TMEM232: variants seen among roughly 807,000 people sequenced by gnomAD.
The protein encoded by TMEM232 is transmembrane protein 232.
A neutral mutation model predicts 78.8 loss-of-function variants in TMEM232; 80 were observed. The observed-to-expected ratio is 1.01, with a 90% CI of 0.85 to 1.22. The LOEUF (loss-of-function observed/expected upper bound fraction) is 1.22, where lower values mean the gene tolerates loss of function less well. Among genes scored for constraint, TMEM232 ranks in the 50% most tolerant of loss-of-function variants. TMEM232 has a pLI of 0.00. For synonymous variants in TMEM232, 297 were observed against 254.3 expected, an observed-to-expected ratio of 1.17 and a Z score of -1.60; for missense variants, 881 against 742.2, an observed-to-expected ratio of 1.19 and a Z score of -2.17.
intron 2 of TMEM232, among the ~76,000 whole-genome samples, chr5:110,402,669 A>T (rs1003958909): frequency 6.6e-6 from 1 of 152,110 alleles, no homozygotes; most frequent in African/African-American, 2.4e-5. Context: ...GACAGTTCTA[A>T]CAACATGCTG....
At chr5:110,653,485 C>G (rs1788611297) in intron 2 of TMEM232, among the ~76,000 whole-genome samples, 2 of 152,214 alleles carry the variant, frequency 1.3e-5, no homozygotes, top group Admixed American at 1.3e-4. Context: ...ATCCTTGAAG[C>G]CTTGGCAGGA....
At chr5:110,465,929 CAG>C (rs1762027188) in intron 12 of TMEM232, among the ~76,000 whole-genome samples, 2 of 152,000 alleles carry the variant, frequency 1.3e-5, no homozygotes, top group Admixed American at 1.3e-4. Flanking sequence ...ATAAACAAGA[CAG>C]AAAATCTCCA....
At chr5:110,688,226 G>T (rs924753014) in intron 1 of TMEM232, among the ~76,000 whole-genome samples, 1 of 152,074 alleles carries the variant, frequency 6.6e-6, no homozygotes, top group African/African-American at 2.4e-5. Flanking sequence ...TAACCATATA[G>T]ATACATAGAG....
chr5:110,645,660 T>C (rs866799797), intron 2 of TMEM232, among the ~76,000 whole-genome samples: 7 of 151,560 alleles, frequency 4.6e-5, no homozygotes, highest in Non-Finnish European at 1.0e-4. Flanking sequence ...TAAGACACTA[T>C]ACAAGACAAG....
chr5:110,446,684 G>A (rs1759683200), intron 12 of TMEM232, among the ~76,000 whole-genome samples: 1 of 152,142 alleles, frequency 6.6e-6, no homozygotes, highest in South Asian at 2.1e-4. Flanking sequence ...TATTCCATAA[G>A]TTCTTAACTG....
chr5:110,508,918 G>GTA (rs542326301), intron 12 of TMEM232, among the ~76,000 whole-genome samples: 6 of 130,034 alleles, frequency 4.6e-5, no homozygotes, highest in African/African-American at 1.4e-4. Flanking sequence ...TTATATATAT[G>GTA]TATATATATA....
chr5:110,599,297 C>A (rs1284297389), intron 10 of TMEM232, among the ~76,000 whole-genome samples: 1 of 152,080 alleles, frequency 6.6e-6, no homozygotes, highest in Non-Finnish European at 1.5e-5. Flanking sequence ...ATCATGAAGA[C>A]AGGATCAAAT....
rs1770990090 is a variant in TMEM232 at position 110,528,798 on chromosome 5, T to C, written c.1493A>G (p.Tyr498Cys). Reference protein sequence around the residue: ...LNDPTDPFTRYSTNISSNVGE... With the variant: ...LNDPTDPFTRCSTNISSNVGE... ...TACATTTGATGAAATATTTGTACTA[T>C]ATCTAGTGAAAGGATCAGTTGGGTC... is the stretch of plus-strand genomic sequence containing the variant. Residue 498 changes from tyrosine to cysteine, a missense_variant, in exon 12 of 14, where the codon TAT (tyrosine) becomes TGT (cysteine). Tyr to Cys is a radical substitution (Grantham distance 194). Coordinates refer to ENST00000455884, the MANE Select transcript of TMEM232 (RefSeq NM_001039763.4). The C allele has an allele frequency of 1.3e-6, 2 of 1,525,336 alleles. No homozygotes were observed. The highest frequency in any genetic ancestry group is 2.5e-5 in the East Asian group (1 of 40,672). The allele number at this position is 1,525,336 out of a possible 1,614,324, so 94.5% of individuals were successfully genotyped here.
intron 2 of TMEM232, among the ~76,000 whole-genome samples, chr5:110,655,905 G>A (rs1377753651): frequency 8.8e-6 from 1 of 113,092 alleles, no homozygotes; most frequent in East Asian, 3.0e-4. Context: ...GGGGACTGTT[G>A]TGGGGTGGGG....
At chr5:110,625,491 CATTT>C in intron 6 of TMEM232, 58 bp from the exon 7 acceptor site, 1 of 1,391,244 alleles carries the variant, frequency 7.2e-7, no homozygotes, top group Non-Finnish European at 9.4e-7. Context: ...CACTGTGTTT[CATTT>C]GTCTTTTAGC....
chr5:110,733,282 C>T (rs1374397134), intron 2 of TMEM232, among the ~76,000 whole-genome samples: 3 of 152,136 alleles, frequency 2.0e-5, no homozygotes, highest in East Asian at 1.9e-4. Flanking sequence ...GACAGCAGTG[C>T]GTTGGTTCCT....
intron 1 of TMEM232, among the ~76,000 whole-genome samples, chr5:110,671,856 G>T (rs1791391149): frequency 6.6e-6 from 1 of 152,016 alleles, no homozygotes; most frequent in Non-Finnish European, 1.5e-5. Flanking sequence ...TAACAAACTT[G>T]CATGATCTGC....
At chr5:110,696,969 G>A (rs1260303218) in intron 1 of TMEM232, among the ~76,000 whole-genome samples, 2 of 151,992 alleles carry the variant, frequency 1.3e-5, no homozygotes, top group African/African-American at 4.8e-5. Context: ...TATGGAACCA[G>A]AAAAGAGCCC....
intron 10 of TMEM232, among the ~76,000 whole-genome samples, chr5:110,584,286 CAT>C (rs1453605150): frequency 1.3e-5 from 2 of 151,482 alleles, no homozygotes; most frequent in Non-Finnish European, 2.9e-5. Flanking sequence ...AGGAAAATGT[CAT>C]ATATATATAA....
intron 12 of TMEM232, among the ~76,000 whole-genome samples, chr5:110,435,746 G>A (rs564555440): frequency 3.9e-5 from 6 of 151,928 alleles, no homozygotes; most frequent in African/African-American, 1.4e-4. Flanking sequence ...CACCTAACAT[G>A]ATGAACTCCA....
chr5:110,717,277 C>G (rs1797108937), intron 1 of TMEM232, among the ~76,000 whole-genome samples: 1 of 150,998 alleles, frequency 6.6e-6, no homozygotes, highest in Non-Finnish European at 1.5e-5. Flanking sequence ...ATAAAGTTTT[C>G]TTTAACTGTG....
intron 2 of TMEM232, among the ~76,000 whole-genome samples, chr5:110,649,892 C>T (rs1554068441): frequency 6.6e-6 from 1 of 152,094 alleles, no homozygotes; most frequent in Non-Finnish European, 1.5e-5. Context: ...TGGTTTGAAT[C>T]TGACTTTGTC....
chr5:110,712,105 CAA>C (rs61482697), intron 1 of TMEM232, among the ~76,000 whole-genome samples: 14,626 of 63,748 alleles, frequency 0.23, 351 homozygotes, highest in Non-Finnish European at 0.28. Context: ...GACTCAATCT[CAA>C]AAAAAAAAAA....
At chr5:110,394,107 T>C (rs1043817554) in intron 3 of TMEM232, among the ~76,000 whole-genome samples, 2 of 152,116 alleles carry the variant, frequency 1.3e-5, no homozygotes, top group Non-Finnish European at 2.9e-5. Flanking sequence ...ACCCAAAACC[T>C]TCCCAGCCTT....
Sources: gnomAD v4.1 joint callset for allele counts (sites outside exome capture counted in the v4.1 genomes callset) on GRCh38, gnomAD v4.1.1 for gene constraint, MANE v1.5 for transcripts, NCBI Gene and HGNC (gene_info 2026-07-23, HGNC 2026-07-21) for gene names.